DLG2: variants seen among roughly 807,000 people sequenced by gnomAD.
DLG2 encodes the protein disks large homolog 2.
A neutral mutation model predicts 132.5 loss-of-function variants in DLG2; 45 were observed. The observed-to-expected ratio is 0.34, with a 90% confidence interval of 0.27 to 0.44. The LOEUF is 0.44. DLG2 is among the 20% of genes least tolerant of loss of function. The pLI is 1.00. For synonymous variants in DLG2, 424 were observed against 419.6 expected, an observed-to-expected ratio of 1.01 and a Z score of -0.13; for missense variants, 1,045 against 1,196.9, an observed-to-expected ratio of 0.87 and a Z score of 1.87.
intron 6 of DLG2, among the ~76,000 whole-genome samples, chr11:84,780,490 C>A (rs2071544605): frequency 6.6e-6 from 1 of 151,972 alleles, no homozygotes; most frequent in South Asian, 2.1e-4. Context: ...TCTCAGATTG[C>A]TGGATTTATG....
In DLG2 at chr11:85,597,592, T is replaced by G. The variant is rs116263065; in HGVS notation, c.40+1065A>C. The stretch of plus-strand genomic sequence containing the variant: ...CCTGTAAAGCTTTACACTTCTATTT[T>G]TATTCAATAGACCGATTTTCAAATT... On this transcript the variant is annotated intron_variant, in intron 3 of 27. Transcript: ENST00000376104. 5.4e-3 allele frequency among the ~76,000 whole-genome samples: 821 copies of G among 152,016 alleles called. 7 individuals are homozygous for G. Among genetic ancestry groups the G allele is most frequent in the African/African-American group, 0.019 (802 of 41,556 alleles).
At chr11:84,219,018 G>C (rs1436131669) in intron 8 of DLG2, among the ~76,000 whole-genome samples, 1 of 152,168 alleles carries the variant, frequency 6.6e-6, no homozygotes, top group African/African-American at 2.4e-5. Flanking sequence ...TCCTAGAGTT[G>C]ATGTTCCAAG....
intron 6 of DLG2, among the ~76,000 whole-genome samples, chr11:84,741,992 G>C (rs900965819): frequency 6.6e-6 from 1 of 151,780 alleles, no homozygotes; most frequent in Non-Finnish European, 1.5e-5. Flanking sequence ...GAACCAAACA[G>C]GAATTCTATA....
intron 6 of DLG2, among the ~76,000 whole-genome samples, chr11:84,634,517 G>A (rs2099637335): frequency 6.6e-6 from 1 of 152,136 alleles, no homozygotes; most frequent in Admixed American, 6.5e-5. Context: ...CAAATGCCAA[G>A]CTGTAAACAA....
chr11:84,815,664 C>G (rs1487506737), intron 6 of DLG2, among the ~76,000 whole-genome samples: 1 of 151,916 alleles, frequency 6.6e-6, no homozygotes, highest in Non-Finnish European at 1.5e-5. Context: ...AATTAAGAGT[C>G]TAAGGAAAAC....
intron 7 of DLG2, among the ~76,000 whole-genome samples, chr11:84,356,262 T>C (rs1457191745): frequency 6.6e-6 from 1 of 152,170 alleles, no homozygotes; most frequent in Non-Finnish European, 1.5e-5. Flanking sequence ...CTGAACAACA[T>C]GCTTTGATGC....
At chr11:83,508,968 A>G (rs1237993633) in intron 21 of DLG2, among the ~76,000 whole-genome samples, 1 of 152,256 alleles carries the variant, frequency 6.6e-6, no homozygotes, top group Non-Finnish European at 1.5e-5. Flanking sequence ...TGTCTGCAGT[A>G]GAGGAACAGA....
chr11:83,851,049 C>T (rs111925392), intron 16 of DLG2, among the ~76,000 whole-genome samples: 5,161 of 151,794 alleles, frequency 0.034, 267 homozygotes, highest in African/African-American at 0.11. Flanking sequence ...TGGTGGCGGG[C>T]GCCTGTAGTC....
At chr11:85,548,931 G>C (rs528504239) in intron 3 of DLG2, among the ~76,000 whole-genome samples, 10 of 152,140 alleles carry the variant, frequency 6.6e-5, no homozygotes, top group Non-Finnish European at 1.5e-4. Flanking sequence ...TGGGCTCCGT[G>C]GGGGTGGGAC....
At chr11:84,640,872 G>T (rs1001887316) in intron 6 of DLG2, among the ~76,000 whole-genome samples, 2 of 151,684 alleles carry the variant, frequency 1.3e-5, no homozygotes, top group Non-Finnish European at 1.5e-5. Flanking sequence ...CCCAGGAGGT[G>T]GAGGTTGCAG....
chr11:84,456,204 T>G (rs1033180670), intron 7 of DLG2, among the ~76,000 whole-genome samples: 1 of 151,292 alleles, frequency 6.6e-6, no homozygotes, highest in Admixed American at 6.6e-5. Context: ...TTTAGAAGCA[T>G]GGATAAGTAG....
At chr11:85,438,229 C>A (rs2091594346) in intron 3 of DLG2, among the ~76,000 whole-genome samples, 1 of 152,156 alleles carries the variant, frequency 6.6e-6, no homozygotes, top group South Asian at 2.1e-4. Flanking sequence ...CATAAGACAT[C>A]TGCCCCCATG....
intron 4 of DLG2, among the ~76,000 whole-genome samples, chr11:85,267,910 G>A (rs975468070): frequency 3.5e-5 from 5 of 144,332 alleles, no homozygotes; most frequent in Admixed American, 1.4e-4. Context: ...GTGTGTGTAC[G>A]TATGTGTGTG....
intron 17 of DLG2, among the ~76,000 whole-genome samples, chr11:83,809,052 G>A (rs7934306): frequency 0.034 from 5,095 of 151,994 alleles, 281 homozygotes; most frequent in African/African-American, 0.12. Context: ...CTACTTTCCT[G>A]CTGCATCCTC....
In DLG2 at chr11:84,603,293, G is replaced by A. The variant is rs1593470146; in HGVS notation, c.358-68562C>T. On this transcript the variant is annotated intron_variant, in intron 6 of 27. Transcript: ENST00000376104. ...CTATGCACCCGGATCATGATGGTCT[G>A]AACATAGCAGACATTCCATATATAT... 9.2e-5 allele frequency among the ~76,000 whole-genome samples: 14 copies of A among 152,014 alleles called. No homozygotes were observed. In the South Asian group the frequency reaches 2.5e-3, roughly 27 times the overall value.
chr11:83,557,843 G>A (rs146288057), intron 19 of DLG2, among the ~76,000 whole-genome samples: 2,119 of 152,224 alleles, frequency 0.014, 23 homozygotes, highest in Middle Eastern at 0.024. Flanking sequence ...GAACTAACTT[G>A]TTGTGAAGTT....
At chr11:83,838,759 C>T (rs2056859579) in intron 16 of DLG2, among the ~76,000 whole-genome samples, 1 of 149,734 alleles carries the variant, frequency 6.7e-6, no homozygotes, top group Non-Finnish European at 1.5e-5. Flanking sequence ...TGCCATAGTC[C>T]TGACCTCTTT....
chr11:84,149,171 T>C (rs2095204706), intron 9 of DLG2, among the ~76,000 whole-genome samples: 2 of 152,100 alleles, frequency 1.3e-5, no homozygotes, highest in South Asian at 2.1e-4. Flanking sequence ...TGTAAGTTGG[T>C]TGTTTATTCC....
chr11:85,000,637 T>C (rs978011579), intron 6 of DLG2, among the ~76,000 whole-genome samples: 2 of 152,182 alleles, frequency 1.3e-5, no homozygotes, highest in African/African-American at 4.8e-5. Flanking sequence ...TAACTGAACT[T>C]ACATCAAAGT....
Sources: gnomAD v4.1 joint callset for allele counts (sites outside exome capture counted in the v4.1 genomes callset) on GRCh38, gnomAD v4.1.1 for gene constraint, MANE v1.5 for transcripts, NCBI Gene and HGNC (gene_info 2026-07-23, HGNC 2026-07-21) for gene names.